THRA: variants seen among roughly 807,000 people sequenced by gnomAD.
The protein encoded by THRA is thyroid hormone receptor alpha.
THRA carries 13 observed loss-of-function variants against 45.0 expected under a neutral mutation model. The ratio of observed to expected loss-of-function variants is 0.29; its 90% confidence interval spans 0.19 to 0.46. The LOEUF is 0.46. Ranked by LOEUF, THRA falls within the 20% of genes least tolerant of loss-of-function variation. The pLI, the probability that THRA is intolerant of heterozygous loss-of-function variation, is 1.00. For missense variants in THRA, 278 were observed against 556.1 expected (o/e 0.50, Z 5.03); for synonymous variants, 195 against 214.0 (o/e 0.91, Z 0.78).
chr17:40,086,911 C>G (rs879470064), intron 7 of THRA, 58 bp downstream of exon 7: 67 of 1,604,112 alleles, frequency 4.2e-5, no homozygotes, highest in Non-Finnish European at 5.6e-5. Flanking sequence ...CCTGCTCCCC[C>G]GGTCACCCAG....
chr17:40,075,123 A>G (rs1879265), intron 2 of THRA, among the ~76,000 whole-genome samples: 93,924 of 152,200 alleles, frequency 0.62, 30,257 homozygotes, highest in Non-Finnish European at 0.72. Flanking sequence ...TTGCTTCCAC[A>G]TGGGTGAGGT....
In THRA at chr17:40,089,830, C is replaced by G; in HGVS notation, c.*374C>G. The G allele has an allele frequency of 9.1e-7, 1 of 1,097,634 alleles. No homozygotes were observed. 68.0% of individuals were successfully genotyped at this position (1,097,634 alleles called of 1,614,324 possible). A position where few individuals can be genotyped will look rare whatever the true frequency, so the allele number is the denominator to read the frequency against. On this transcript the variant is annotated 3_prime_UTR_variant, in exon 9 of 9. Coordinates refer to ENST00000450525, the MANE Select transcript of THRA (RefSeq NM_199334.5). The surrounding 1 kb of genome is among the most constrained non-coding windows in gnomAD (Gnocchi z 6.1). ...GGGGAAGATGCCCTCAACTCACCCCCTACACACACATGAGAGAGAGCCCCC... is the reference window on the plus strand; with the variant it reads ...GGGGAAGATGCCCTCAACTCACCCCGTACACACACATGAGAGAGAGCCCCC...
At chr17:40,076,051 C>T (rs1000886847) in intron 2 of THRA, among the ~76,000 whole-genome samples, 16 of 152,092 alleles carry the variant, frequency 1.1e-4, no homozygotes, top group Non-Finnish European at 2.1e-4. Flanking sequence ...CTGTGTGCAC[C>T]GAGGTTATGC....
chr17:40,072,409 T>TG (rs1018829736), intron 1 of THRA, among the ~76,000 whole-genome samples: 1 of 152,108 alleles, frequency 6.6e-6, no homozygotes, highest in African/African-American at 2.4e-5. Context: ...CTCCCCTCCC[T>TG]GGGGGCGCTT....
chr17:40,066,663 C>CA (rs553082902), intron 1 of THRA, among the ~76,000 whole-genome samples: 1,073 of 48,588 alleles, frequency 0.022, 10 homozygotes, highest in Middle Eastern at 0.12. Flanking sequence ...GACTCCGTCT[C>CA]AAAAAAAAAA....
intron 3 of THRA, 58 bp downstream of exon 3, chr17:40,076,996 G>A: frequency 6.4e-7 from 1 of 1,552,530 alleles, no homozygotes; most frequent in Non-Finnish European, 8.8e-7. Context: ...AACCCAGCCA[G>A]GGCTCCTCTG....
In THRA at chr17:40,089,536, A is replaced by AC. The variant is rs981726905; in HGVS notation, c.*87dup. The stretch of plus-strand genomic sequence containing the variant: ...GGGGCAGAGCTGGGGGCTGAGGGAG[A>AC]CCCCCCCACACCCCTTCTCTCCTTC... On this transcript the variant is annotated 3_prime_UTR_variant, in exon 9 of 9. Transcript: ENST00000450525. This position sits in a 1 kb window ranked among gnomAD's most constrained non-coding sequence, Gnocchi z 6.1. 61 of 1,515,776 alleles carry AC rather than the reference A, an allele frequency of 4.0e-5. No individual in the cohort carries two copies. The highest frequency in any genetic ancestry group is 4.7e-5 in the Non-Finnish European group (53 of 1,135,012). The allele number at this position is 1,515,776 out of a possible 1,614,324, so 93.9% of individuals were successfully genotyped here.
chr17:40,093,822 G>T (rs1987683893), downstream of THRA: 1 of 1,180,174 alleles, frequency 8.5e-7, no homozygotes, highest in South Asian at 1.3e-5. This position sits in a 1 kb window ranked among gnomAD's most constrained non-coding sequence, Gnocchi z 5.9. Flanking sequence ...CCCGGTGCAG[G>T]GCCTGGCATA....
intron 1 of THRA, among the ~76,000 whole-genome samples, chr17:40,065,811 G>T (rs1986539767): frequency 6.6e-6 from 1 of 152,114 alleles, no homozygotes; most frequent in South Asian, 2.1e-4. Context: ...TGACCCCTCG[G>T]GCCTGCATGT....
At chr17:40,062,792 G>T (rs1189009942), upstream of THRA, 1 of 143,266 alleles carries the variant, frequency 7.0e-6, no homozygotes, top group African/African-American at 2.5e-5. Flanking sequence ...GGGGCGGGGG[G>T]CGGGGGCGGG....
chr17:40,077,272 C>T (rs990160607), intron 3 of THRA, among the ~76,000 whole-genome samples: 9 of 152,174 alleles, frequency 5.9e-5, no homozygotes, highest in African/African-American at 1.9e-4. Context: ...CATCCTCTGC[C>T]TTGTAGATAG....
downstream of THRA, chr17:40,093,119 G>A (rs1054482703): frequency 4.3e-6 from 7 of 1,613,990 alleles, no homozygotes; most frequent in East Asian, 2.2e-5. The surrounding 1 kb of genome is among the most constrained non-coding windows in gnomAD (Gnocchi z 5.9). Context: ...GCAGCTTCTC[G>A]GAATGCATGT....
chr17:40,090,032 C>T lies in THRA; in HGVS notation c.*576C>T, dbSNP rs547394224. The T allele has an allele frequency of 4.8e-5, 47 of 987,172 alleles. No individual in the cohort carries two copies. The East Asian group carries it at 6.7e-4, about 14-fold the overall frequency. 61.2% of individuals were successfully genotyped at this position (987,172 alleles called of 1,614,324 possible). A position where few individuals can be genotyped will look rare whatever the true frequency, so the allele number is the denominator to read the frequency against. On this transcript the variant is annotated 3_prime_UTR_variant, in exon 9 of 9. Transcript: ENST00000450525. ...AGAAGACAAATGAAGAAAAACTAGA[C>T]AGAGAGAAAAATACAAAAAAGAGAG...
intron 3 of THRA, among the ~76,000 whole-genome samples, 167 bp from the exon 4 acceptor site, chr17:40,077,341 G>A (rs541556952): frequency 5.9e-5 from 9 of 152,274 alleles, no homozygotes; most frequent in East Asian, 1.9e-4. Context: ...ATACTCTTAG[G>A]GCAGAGATGG....
intron 4 of THRA, among the ~76,000 whole-genome samples, chr17:40,082,250 T>C (rs1051839814): frequency 6.6e-6 from 1 of 150,770 alleles, no homozygotes; most frequent in Non-Finnish European, 1.5e-5. Context: ...GTTTTGCTCT[T>C]GTTGCCCAGA....
intron 1 of THRA, among the ~76,000 whole-genome samples, chr17:40,064,982 T>A (rs1020280257): frequency 1.3e-5 from 2 of 151,996 alleles, no homozygotes; most frequent in African/African-American, 4.8e-5. Flanking sequence ...AATCACAAAT[T>A]TTTCCCCTTC....
rs560924224 is a variant in THRA, at chr17:40,089,779, C to T, written c.*323C>T. On this transcript the variant is annotated 3_prime_UTR_variant, in exon 9 of 9. Coordinates refer to ENST00000450525, the MANE Select transcript of THRA (RefSeq NM_199334.5). This position sits in a 1 kb window ranked among gnomAD's most constrained non-coding sequence, Gnocchi z 6.1. The stretch of plus-strand genomic sequence containing the variant: ...TTGAGAAGGGACAAGCCACCTTGAC[C>T]GTAGGGGAAGGAGGAATGTGGGCTG... The T allele has an allele frequency of 3.6e-5, 42 of 1,179,060 alleles. No homozygotes were observed. Among genetic ancestry groups the T allele is most frequent in the South Asian group, 4.0e-5 (2 of 49,846 alleles). The allele number at this position is 1,179,060 out of a possible 1,614,324, so 73.0% of individuals were successfully genotyped here. A position where few individuals can be genotyped will look rare whatever the true frequency, so the allele number is the denominator to read the frequency against.
chr17:40,093,389 C>G, downstream of THRA: 1 of 1,607,488 alleles, frequency 6.2e-7, no homozygotes, highest in South Asian at 1.1e-5. This position sits in a 1 kb window ranked among gnomAD's most constrained non-coding sequence, Gnocchi z 5.9. Flanking sequence ...CTGAAGCCCC[C>G]CAGAAGGCCG....
intron 1 of THRA, among the ~76,000 whole-genome samples, chr17:40,064,067 C>T (rs939066576): frequency 2.0e-5 from 3 of 152,230 alleles, no homozygotes; most frequent in Non-Finnish European, 4.4e-5. Context: ...GATATGTCCA[C>T]ACAGACAGCC....
Sources: gnomAD v4.1 joint callset for allele counts (sites outside exome capture counted in the v4.1 genomes callset) on GRCh38, gnomAD v4.1.1 for gene constraint, Gnocchi (gnomAD v3.1) non-coding constraint, MANE v1.5 for transcripts, NCBI Gene and HGNC (gene_info 2026-07-23, HGNC 2026-07-21) for gene names.